Variants in MYO5B observed in about 807,000 individuals in gnomAD.
MYO5B encodes the protein myosin VB.
A neutral mutation model predicts 229.3 loss-of-function variants in MYO5B; 143 were observed. The ratio of observed to expected loss-of-function variants is 0.62; its 90% CI spans 0.54 to 0.72. MYO5B has a LOEUF of 0.72. Ranked by LOEUF, MYO5B falls within the 30% of genes least tolerant of loss-of-function variation. MYO5B has a pLI of 0.00. For synonymous variants in MYO5B, 918 were observed against 885.2 expected (o/e 1.04, Z -0.66); for missense variants, 2,321 against 2,331.0 (o/e 1.00, Z 0.09).
chr18:50,096,135 A>G (rs573271105), intron 1 of MYO5B, among the ~76,000 whole-genome samples: 1 of 152,256 alleles, frequency 6.6e-6, no homozygotes, highest in African/African-American at 2.4e-5. Context: ...CCATATATGA[A>G]AAGGAGGCAC....
chr18:49,987,144 G>C (rs8088706), intron 7 of MYO5B, among the ~76,000 whole-genome samples: 1,973 of 152,196 alleles, frequency 0.013, 42 homozygotes, highest in African/African-American at 0.045. Context: ...CCCGCCTTCC[G>C]AGATCCCAGT....
chr18:49,974,027 TG>T (rs1393721618), intron 10 of MYO5B, among the ~76,000 whole-genome samples: 1 of 152,210 alleles, frequency 6.6e-6, no homozygotes, highest in Non-Finnish European at 1.5e-5. Flanking sequence ...AAAATCACAT[TG>T]GGCAGGTCAT....
chr18:50,086,942 T>C (rs1307178414), intron 1 of MYO5B, among the ~76,000 whole-genome samples: 2 of 152,024 alleles, frequency 1.3e-5, no homozygotes, highest in Admixed American at 6.5e-5. Flanking sequence ...AGGATACCAC[T>C]CCACCAATAT....
chr18:49,833,517 A>C (rs1223907037), intron 39 of MYO5B, among the ~76,000 whole-genome samples: 2 of 152,234 alleles, frequency 1.3e-5, no homozygotes, highest in African/African-American at 4.8e-5. Context: ...CTGACTGTAC[A>C]TATTTTGAGA....
intron 4 of MYO5B, among the ~76,000 whole-genome samples, chr18:50,010,261 G>T (rs538721352): frequency 6.6e-6 from 1 of 152,306 alleles, no homozygotes; most frequent in Admixed American, 6.5e-5. Context: ...AGCCTCTCAG[G>T]TGTAGTGTGA....
At chr18:50,046,808 T>C (rs1397268777) in intron 2 of MYO5B, among the ~76,000 whole-genome samples, 1 of 152,160 alleles carries the variant, frequency 6.6e-6, no homozygotes, top group Non-Finnish European at 1.5e-5. Flanking sequence ...ATCTAATCTT[T>C]GACAAACCTG....
intron 2 of MYO5B, among the ~76,000 whole-genome samples, chr18:50,040,617 G>A (rs1321402913): frequency 6.6e-6 from 1 of 152,136 alleles, no homozygotes; most frequent in African/African-American, 2.4e-5. Flanking sequence ...TTGGAATGCT[G>A]TTCTTTCTTC....
chr18:50,086,105 T>C (rs963387244), intron 1 of MYO5B, among the ~76,000 whole-genome samples: 1 of 152,166 alleles, frequency 6.6e-6, no homozygotes, highest in Non-Finnish European at 1.5e-5. Flanking sequence ...TTTTAAAATA[T>C]GGCAGACTTT....
intron 1 of MYO5B, among the ~76,000 whole-genome samples, chr18:50,064,902 C>G (rs145340843): frequency 6.6e-6 from 1 of 152,154 alleles, no homozygotes; most frequent in African/African-American, 2.4e-5. Flanking sequence ...CTTCACTGAC[C>G]AAAATTATTA....
At chr18:50,161,041 G>A (rs2032757707) in intron 1 of MYO5B, among the ~76,000 whole-genome samples, 1 of 152,294 alleles carries the variant, frequency 6.6e-6, no homozygotes, top group Admixed American at 6.5e-5. Context: ...CTCAGTATTG[G>A]GGGCTGGACA....
In MYO5B at chr18:49,937,792, G is replaced by A. The variant is rs80291672; in HGVS notation, c.1753-395C>T. On this transcript the variant is annotated intron_variant, in intron 14 of 39. Coordinates refer to ENST00000285039, the MANE Select transcript of MYO5B (RefSeq NM_001080467.3). ...GAAATATCCAGGGAATAGAAAGTAG[G>A]TTATTGGTTGCTAGGGGTTGGGGGA... Among the ~76,000 whole-genome samples the A allele has an allele frequency of 2.0e-5, 3 of 151,666 alleles. No homozygotes were observed. The South Asian group carries it at 6.3e-4, about 32-fold the overall frequency.
At chr18:49,904,494 A>C (rs1185901111) in intron 20 of MYO5B, among the ~76,000 whole-genome samples, 178 bp downstream of exon 20, 1 of 152,254 alleles carries the variant, frequency 6.6e-6, no homozygotes, top group Non-Finnish European at 1.5e-5. Context: ...CTAAGACAAC[A>C]GTATGCACAC....
At chr18:50,154,966 C>T (rs185382805) in intron 1 of MYO5B, among the ~76,000 whole-genome samples, 17 of 152,314 alleles carry the variant, frequency 1.1e-4, no homozygotes, top group Admixed American at 1.3e-4. Flanking sequence ...TTTCATGTTA[C>T]ACAAGGTAGC....
chr18:50,154,896 T>C (rs193251894), intron 1 of MYO5B, among the ~76,000 whole-genome samples: 184 of 152,300 alleles, frequency 1.2e-3, no homozygotes, highest in African/African-American at 1.7e-3. Flanking sequence ...TTGGCTGTTA[T>C]GTTACAGACT....
intron 26 of MYO5B, among the ~76,000 whole-genome samples, chr18:49,873,602 C>T (rs181796363): frequency 2.0e-5 from 3 of 152,312 alleles, no homozygotes; most frequent in East Asian, 1.9e-4. Flanking sequence ...CCTGCTGCTC[C>T]GGTGAGAGTT....
At chr18:49,971,231 T>A (rs1420280649) in intron 10 of MYO5B, among the ~76,000 whole-genome samples, 1 of 151,918 alleles carries the variant, frequency 6.6e-6, no homozygotes, top group Non-Finnish European at 1.5e-5. Flanking sequence ...CTGGAATGAG[T>A]TTGAACTGGG....
chr18:50,121,174 A>G (rs182855596), intron 1 of MYO5B, among the ~76,000 whole-genome samples: 7 of 152,136 alleles, frequency 4.6e-5, no homozygotes, highest in African/African-American at 1.7e-4. Flanking sequence ...CCTCTGTGAA[A>G]CTTTCCCTGA....
intron 4 of MYO5B, among the ~76,000 whole-genome samples, chr18:50,022,331 T>G (rs1399917524): frequency 6.6e-6 from 1 of 152,252 alleles, no homozygotes; most frequent in East Asian, 1.9e-4. Context: ...GGCAATTAAA[T>G]AACATTCATA....
intron 1 of MYO5B, among the ~76,000 whole-genome samples, chr18:50,096,464 C>G (rs1568104931): frequency 6.6e-6 from 1 of 152,106 alleles, no homozygotes; most frequent in Non-Finnish European, 1.5e-5. Context: ...CCACCAAGAG[C>G]TAGAAGATCC....
Sources: gnomAD v4.1 joint callset for allele counts (sites outside exome capture counted in the v4.1 genomes callset) on GRCh38, gnomAD v4.1.1 for gene constraint, MANE v1.5 for transcripts, NCBI Gene and HGNC (gene_info 2026-07-23, HGNC 2026-07-21) for gene names.